Variants in CSNK1A1 observed in about 807,000 individuals in gnomAD.
The protein encoded by CSNK1A1 is casein kinase I isoform alpha.
In CSNK1A1, 7 loss-of-function variants were observed where a neutral mutation model predicts 46.1. That is an observed-to-expected ratio of 0.15 (90% CI 0.09 to 0.29). CSNK1A1 has a LOEUF of 0.29. Among genes scored for constraint, CSNK1A1 ranks in the 10% least tolerant of loss-of-function variants. The pLI, the probability that CSNK1A1 is intolerant of heterozygous loss-of-function variation, is 1.00. For synonymous variants in CSNK1A1, 137 were observed against 141.5 expected, an observed-to-expected ratio of 0.97 and a Z score of 0.23; for missense variants, 96 against 417.1, an observed-to-expected ratio of 0.23 and a Z score of 6.71.
chr5:149,548,163 G>A (rs1436128558), intron 2 of CSNK1A1, among the ~76,000 whole-genome samples: 1 of 151,782 alleles, frequency 6.6e-6, no homozygotes, highest in South Asian at 2.1e-4. Context: ...GAGCCACCAC[G>A]CCTGGCTGGA....
intron 5 of CSNK1A1, among the ~76,000 whole-genome samples, 158 bp downstream of exon 5, chr5:149,512,912 C>G (rs1443830828): frequency 6.6e-6 from 1 of 152,206 alleles, no homozygotes; most frequent in Non-Finnish European, 1.5e-5. Context: ...ACGGTCTTCT[C>G]TACACTGGTT....
At chr5:149,501,020 T>C in intron 9 of CSNK1A1, 1 of 985,412 alleles carries the variant, frequency 1.0e-6, no homozygotes, top group Non-Finnish European at 1.2e-6. Flanking sequence ...AATACCTGTT[T>C]ATAATTGATT....
At chr5:149,542,924 AC>A (rs1358440582) in intron 2 of CSNK1A1, among the ~76,000 whole-genome samples, 1 of 150,898 alleles carries the variant, frequency 6.6e-6, no homozygotes, top group Non-Finnish European at 1.5e-5. Flanking sequence ...CGAACTCCTG[AC>A]CTCAGGTGAT....
Position 149,550,396 on chromosome 5 carries a change from G to A in CSNK1A1, c.124-215C>T, listed in dbSNP as rs1286708508. On this transcript the variant is annotated intron_variant, in intron 1 of 9. Coordinates refer to ENST00000377843, the MANE Select transcript of CSNK1A1 (RefSeq NM_001892.6). This position sits in a 1 kb window ranked among gnomAD's most constrained non-coding sequence, Gnocchi z 4.3. ...AAATCCGTACGTCCTCTAAAGTGCA[G>A]GAAAATGATTCATCCAGAAAAAAGA... is the stretch of plus-strand genomic sequence containing the variant. 1 of 1,328,370 alleles carries A rather than the reference G, an allele frequency of 7.5e-7. No homozygotes were observed. Among genetic ancestry groups the A allele is most frequent in the Non-Finnish European group, 9.6e-7 (1 of 1,036,506 alleles). 82.3% of individuals were successfully genotyped at this position (1,328,370 alleles called of 1,614,324 possible). A position where few individuals can be genotyped will look rare whatever the true frequency, so the allele number is the denominator to read the frequency against.
chr5:149,528,037 T>G (rs1045846724), intron 2 of CSNK1A1, among the ~76,000 whole-genome samples: 1 of 152,230 alleles, frequency 6.6e-6, no homozygotes, highest in African/African-American at 2.4e-5. Flanking sequence ...GCAATTAACA[T>G]GATTTCATAA....
chr5:149,550,173 T>C lies in CSNK1A1; in HGVS notation c.132A>G (p.Ala44=), dbSNP rs372517963. Residue 44 remains alanine (A), a synonymous_variant, in exon 2 of 10, where the codon GCA becomes GCG. Coordinates refer to ENST00000377843, the MANE Select transcript of CSNK1A1 (RefSeq NM_001892.6). This position sits in a 1 kb window ranked among gnomAD's most constrained non-coding sequence, Gnocchi z 4.3. ...AINITNGEEV[A]VKLESQKARH... ...TGGCCTTCTGAGATTCTAGCTTCAC[T>C]GCCACTTCCTGCAGGGGAAAGAGGG... The C allele has an allele frequency of 2.0e-4, 315 of 1,613,524 alleles. No individual in the cohort carries two copies. The highest frequency in any genetic ancestry group is 2.5e-4 in the Non-Finnish European group (297 of 1,179,730).
chr5:149,499,368 T>C, intron 9 of CSNK1A1: 1 of 599,706 alleles, frequency 1.7e-6, no homozygotes, highest in Non-Finnish European at 2.1e-6. Flanking sequence ...AGTTAATAGC[T>C]TAATTAAATT....
chr5:149,542,638 A>ATATGTATG (rs1762309881), intron 2 of CSNK1A1, among the ~76,000 whole-genome samples: 1 of 12,900 alleles, frequency 7.8e-5, no homozygotes. Flanking sequence ...ATATATATAT[A>ATATGTATG]TGTATATATA....
intron 9 of CSNK1A1, chr5:149,501,980 A>G (rs1760872762): frequency 2.1e-6 from 2 of 937,196 alleles, no homozygotes; most frequent in Non-Finnish European, 2.5e-6. Context: ...AGTATAGATA[A>G]TAAGTGGCAT....
chr5:149,549,653 G>T, intron 2 of CSNK1A1: 1 of 634,190 alleles, frequency 1.6e-6, no homozygotes, highest in Non-Finnish European at 2.9e-6. Context: ...CAAAAGAGCA[G>T]CCATTTCCCA....
intron 4 of CSNK1A1, 160 bp from the exon 5 acceptor site, chr5:149,513,369 T>A (rs926166492): frequency 4.7e-6 from 3 of 640,372 alleles, no homozygotes; most frequent in African/African-American, 3.8e-5. Flanking sequence ...CACCCCCCCA[T>A]AAGCTTTTAC....
intron 2 of CSNK1A1, among the ~76,000 whole-genome samples, chr5:149,545,026 T>C (rs55970877): frequency 8.1e-4 from 121 of 149,370 alleles, no homozygotes; most frequent in Non-Finnish European, 1.2e-3. Flanking sequence ...CCCATGAACC[T>C]GGGAGGCAGA....
chr5:149,513,955 G>A (rs902660038), intron 4 of CSNK1A1, among the ~76,000 whole-genome samples: 1 of 150,412 alleles, frequency 6.6e-6, no homozygotes, highest in African/African-American at 2.4e-5. Context: ...TCCTACAAAG[G>A]CCATTCTTAA....
chr5:149,534,503 AAAAAAG>A (rs1761999820), intron 2 of CSNK1A1, among the ~76,000 whole-genome samples: 1 of 140,332 alleles, frequency 7.1e-6, no homozygotes, highest in Non-Finnish European at 1.6e-5. Flanking sequence ...AAAAAAAAAA[AAAAAAG>A]AAGGCTTCCT....
At chr5:149,513,290 T>A (rs965372699) in intron 4 of CSNK1A1, 81 bp from the exon 5 acceptor site, 2 of 1,284,048 alleles carry the variant, frequency 1.6e-6, no homozygotes, top group African/African-American at 3.0e-5. Flanking sequence ...TGGTATCTAT[T>A]CTATGCATTC....
chr5:149,540,948 C>T (rs1192706730), intron 2 of CSNK1A1, among the ~76,000 whole-genome samples: 2 of 151,722 alleles, frequency 1.3e-5, no homozygotes, highest in African/African-American at 2.4e-5. Context: ...GGTATGGTGG[C>T]GGGCACCTGT....
At chr5:149,510,415 G>A (rs1358749274) in intron 6 of CSNK1A1, among the ~76,000 whole-genome samples, 1 of 151,914 alleles carries the variant, frequency 6.6e-6, no homozygotes, top group Non-Finnish European at 1.5e-5. Flanking sequence ...GACTACAGGT[G>A]TGCATCATCA....
At chr5:149,502,979 G>A in intron 9 of CSNK1A1, 1 of 795,378 alleles carries the variant, frequency 1.3e-6, no homozygotes, top group African/African-American at 1.9e-5. Flanking sequence ...ATGTTGGCCA[G>A]ACTCTCGAAC....
At position 149,493,479 on chromosome 5, in the gene CSNK1A1, C is replaced by A. The variant is rs1052650894; in HGVS notation, c.*3374G>T. ...ATTACTCTACTTTTGAGTATGTCCT[C>A]AAAACTGGTCTAACAAGTCATTTCA... On this transcript the variant is annotated 3_prime_UTR_variant, in exon 10 of 10. Coordinates refer to ENST00000377843, the MANE Select transcript of CSNK1A1 (RefSeq NM_001892.6). The A allele has an allele frequency of 2.7e-5, 4 of 150,644 alleles. No homozygotes were observed. Among genetic ancestry groups the A allele is most frequent in the African/African-American group, 9.8e-5 (4 of 40,928 alleles). 9.3% of individuals were successfully genotyped at this position (150,644 alleles called of 1,614,324 possible).
Sources: allele counts gnomAD v4.1 joint callset (sites outside exome capture counted in the v4.1 genomes callset), GRCh38; gene constraint gnomAD v4.1.1; non-coding constraint Gnocchi (gnomAD v3.1); transcripts MANE v1.5; gene names NCBI Gene and HGNC (gene_info 2026-07-23, HGNC 2026-07-21).